DGKD: variants seen among roughly 807,000 people sequenced by gnomAD.
DGKD encodes the protein diacylglycerol kinase delta, also known as DAG kinase delta.
In DGKD, 68 loss-of-function variants were observed where a neutral mutation model predicts 154.4. The ratio of observed to expected loss-of-function variants is 0.44; its 90% CI spans 0.36 to 0.54. DGKD has a LOEUF of 0.54. Ranked by LOEUF, DGKD falls within the 20% of genes least tolerant of loss-of-function variation. The pLI, the probability that DGKD is intolerant of heterozygous loss-of-function variation, is 0.00. For synonymous variants in DGKD, 693 were observed against 638.0 expected, an observed-to-expected ratio of 1.09 and a Z score of -1.30; for missense variants, 1,343 against 1,593.6, an observed-to-expected ratio of 0.84 and a Z score of 2.68.
At chr2:233,397,300 TG>T (rs536991239) in intron 3 of DGKD, among the ~76,000 whole-genome samples, 3 of 10,124 alleles carry the variant, frequency 3.0e-4, no homozygotes, top group African/African-American at 1.0e-3. Flanking sequence ...CCAGGGTGGC[TG>T]GGGGGGGGGC....
At chr2:233,383,409 T>C (rs1703003442) in intron 1 of DGKD, among the ~76,000 whole-genome samples, 1 of 152,196 alleles carries the variant, frequency 6.6e-6, no homozygotes, top group South Asian at 2.1e-4. Context: ...TAGTGTACCT[T>C]TTTTTCCCAC....
chr2:233,385,550 A>G (rs960628391), intron 1 of DGKD, among the ~76,000 whole-genome samples: 5 of 152,294 alleles, frequency 3.3e-5, no homozygotes, highest in African/African-American at 1.2e-4. Flanking sequence ...AAGTGACTCT[A>G]AGAGCCCGGT....
chr2:233,442,266 A>G (rs2062923741), intron 10 of DGKD: 2 of 598,456 alleles, frequency 3.3e-6, no homozygotes, highest in Non-Finnish European at 3.2e-6. Flanking sequence ...AAGGACCCAC[A>G]TGGGGAGCAG....
intron 1 of DGKD, among the ~76,000 whole-genome samples, chr2:233,360,697 ATT>A (rs1701739035): frequency 6.6e-6 from 1 of 152,216 alleles, no homozygotes; most frequent in African/African-American, 2.4e-5. Flanking sequence ...CTAATTAAAG[ATT>A]TTGAGAGTAA....
At chr2:233,391,430 A>G (rs1307254688) in intron 3 of DGKD, among the ~76,000 whole-genome samples, 6 of 151,780 alleles carry the variant, frequency 4.0e-5, no homozygotes, top group South Asian at 2.1e-4. Flanking sequence ...AGGACAATTT[A>G]TAGTAGAGAG....
intron 3 of DGKD, among the ~76,000 whole-genome samples, chr2:233,413,626 G>C (rs1032532456): frequency 1.3e-5 from 2 of 152,174 alleles, no homozygotes; most frequent in Non-Finnish European, 2.9e-5. Context: ...TTGATTTGTT[G>C]TTGCTGTATC....
chr2:233,449,986 C>T lies in DGKD; in HGVS notation c.1893C>T (p.Val631=), dbSNP rs889044501. The T allele has an allele frequency of 1.0e-5, 16 of 1,599,106 alleles. No homozygotes were observed. The highest frequency in any genetic ancestry group is 2.7e-5 in the African/African-American group (2 of 74,424). ...GCACACACTCTCCTTGCACAGCTGT[C>T]GATGAGCAGAATGCCCAGACCCAGG... The part of the protein sequence containing the change: ...RQIIEHTEKA[V]DEQNAQTQEQ... The change falls in exon 16 of 30, where the codon GTC becomes GTT. Residue 631 remains valine, a synonymous_variant. Transcript: ENST00000264057. This position sits in a 1 kb window ranked among gnomAD's most constrained non-coding sequence, Gnocchi z 5.3.
At position 233,405,516 on chromosome 2, in the gene DGKD, CT is replaced by C. The variant is rs142310315; in HGVS notation, c.348+15034del. On this transcript the variant is annotated intron_variant, in intron 3 of 29. Coordinates refer to ENST00000264057, the MANE Select transcript of DGKD (RefSeq NM_152879.3). Reference sequence around the variant, plus strand: ...CTGGGCAACAAGAGTGAAACTCTGTCTAAAAAAAAAAAAAAGAAAGAAAAAA... The same window carrying C: ...CTGGGCAACAAGAGTGAAACTCTGTCAAAAAAAAAAAAAAGAAAGAAAAAA... Among the ~76,000 whole-genome samples, 213 of 143,182 alleles carry C rather than the reference CT, an allele frequency of 1.5e-3. 1 individual carries two copies. Among genetic ancestry groups the C allele is most frequent in the African/African-American group, 5.0e-3 (192 of 38,616 alleles). The allele number at this position is 143,182 out of a possible 152,430, so 93.9% of individuals were successfully genotyped here. A position where few individuals can be genotyped will look rare whatever the true frequency, so the allele number is the denominator to read the frequency against.
intron 1 of DGKD, chr2:233,386,218 A>G (rs1357509145): frequency 3.0e-6 from 1 of 330,220 alleles, no homozygotes; most frequent in African/African-American, 2.2e-5. Flanking sequence ...CACAAAGGTA[A>G]GGAAGATGAA....
chr2:233,373,806 CTGTT>C (rs1181975307), intron 1 of DGKD, among the ~76,000 whole-genome samples: 4 of 150,010 alleles, frequency 2.7e-5, no homozygotes, highest in African/African-American at 4.9e-5. Context: ...GAGATGTAAA[CTGTT>C]TGATGCGTGC....
At chr2:233,425,336 G>C (rs376263037) in intron 3 of DGKD, among the ~76,000 whole-genome samples, 1 of 151,918 alleles carries the variant, frequency 6.6e-6, no homozygotes, top group Non-Finnish European at 1.5e-5. Flanking sequence ...ACAGGCGCCC[G>C]CCACCACGCC....
chr2:233,451,578 T>C (rs1016258396), intron 17 of DGKD, among the ~76,000 whole-genome samples: 1 of 152,066 alleles, frequency 6.6e-6, no homozygotes, highest in African/African-American at 2.4e-5. Flanking sequence ...GCCTTTTTTT[T>C]TTTTTTTAAA....
At chr2:233,411,079 G>A (rs2061817764) in intron 3 of DGKD, among the ~76,000 whole-genome samples, 1 of 151,924 alleles carries the variant, frequency 6.6e-6, no homozygotes, top group South Asian at 2.1e-4. Context: ...GCATATTCCA[G>A]CATTTGTCTA....
rs768989653 is a variant in DGKD, at chr2:233,469,487, C to T, written c.*27C>T. The stretch of plus-strand genomic sequence containing the variant: ...CTCTGTCCTCTCAGCCTGTGGCCTC[C>T]ACATCCCCGCCGCCGAGGCCTAGCC... On this transcript the variant is annotated 3_prime_UTR_variant, in exon 30 of 30. Transcript: ENST00000264057. The T allele has an allele frequency of 2.6e-6, 4 of 1,560,084 alleles. No individual in the cohort carries two copies. In the Admixed American group the frequency reaches 7.5e-5, roughly 29 times the overall value.
chr2:233,457,210 C>T lies in DGKD; in HGVS notation c.2473-11C>T. 6.6e-7 allele frequency: 1 copy of T among 1,509,528 alleles called. No homozygotes were observed. Among genetic ancestry groups the T allele is most frequent in the Middle Eastern group, 1.8e-4 (1 of 5,586 alleles). 93.5% of individuals were successfully genotyped at this position (1,509,528 alleles called of 1,614,324 possible). On this transcript the variant is annotated splice_polypyrimidine_tract_variant and intron_variant, in intron 20 of 29. Coordinates refer to ENST00000264057, the MANE Select transcript of DGKD (RefSeq NM_152879.3). The surrounding 1 kb of genome is among the most constrained non-coding windows in gnomAD (Gnocchi z 5.5). ...TTCTCTTTTCTTTTGTTCTGTGTCT[C>T]TGCTGCTCAGTGTGACGGGCGACCC...
At chr2:233,417,245 C>T (rs1314624173) in intron 3 of DGKD, among the ~76,000 whole-genome samples, 1 of 152,146 alleles carries the variant, frequency 6.6e-6, no homozygotes, top group African/African-American at 2.4e-5. Flanking sequence ...GTTGGCCAGA[C>T]TGGTCTTGAA....
chr2:233,426,475 A>G (rs1243575249), intron 3 of DGKD, among the ~76,000 whole-genome samples: 2 of 152,096 alleles, frequency 1.3e-5, no homozygotes, highest in African/African-American at 4.8e-5. Context: ...CCTCCTGTCA[A>G]AGCAGCTGCT....
chr2:233,438,114 G>C lies in DGKD; in HGVS notation c.923-103G>C. On this transcript the variant is annotated intron_variant, in intron 8 of 29. Coordinates refer to ENST00000264057, the MANE Select transcript of DGKD (RefSeq NM_152879.3). The surrounding 1 kb of genome is among the most constrained non-coding windows in gnomAD (Gnocchi z 4.1). ...CTGACTTACAGGTGTGCATGTGTCA[G>C]GTGTGTGTCCTTTGGGGGGGTCTGC... 1 of 1,309,944 alleles carries C rather than the reference G, an allele frequency of 7.6e-7. No homozygotes were observed. Among genetic ancestry groups the C allele is most frequent in the Non-Finnish European group, 1.1e-6 (1 of 934,416 alleles). The allele number at this position is 1,309,944 out of a possible 1,614,324, so 81.1% of individuals were successfully genotyped here.
intron 1 of DGKD, among the ~76,000 whole-genome samples, chr2:233,377,699 G>A (rs1702652816): frequency 6.6e-6 from 1 of 152,072 alleles, no homozygotes; most frequent in African/African-American, 2.4e-5. Context: ...ATGAATAACT[G>A]CTCTGGATTT....
Sources: allele counts gnomAD v4.1 joint callset (sites outside exome capture counted in the v4.1 genomes callset), GRCh38; gene constraint gnomAD v4.1.1; non-coding constraint Gnocchi (gnomAD v3.1); transcripts MANE v1.5; gene names NCBI Gene and HGNC (gene_info 2026-07-23, HGNC 2026-07-21).